TRPC4: variants seen among roughly 807,000 people sequenced by gnomAD.
TRPC4 encodes transient receptor potential cation channel subfamily C member 4.
In TRPC4, 49 loss-of-function variants were observed where a neutral mutation model predicts 99.4. That is an observed-to-expected ratio of 0.49 (90% CI 0.39 to 0.63). The LOEUF is 0.63. Ranked by LOEUF, TRPC4 falls within the 20% of genes least tolerant of loss-of-function variation. TRPC4 has a pLI of 0.00. For missense variants in TRPC4, 898 were observed against 1,152.9 expected, an observed-to-expected ratio of 0.78 and a Z score of 3.20; for synonymous variants, 454 against 425.9, an observed-to-expected ratio of 1.07 and a Z score of -0.81.
At chr13:37,705,036 G>A (rs953342034) in intron 3 of TRPC4, among the ~76,000 whole-genome samples, 2 of 152,006 alleles carry the variant, frequency 1.3e-5, no homozygotes, top group Non-Finnish European at 2.9e-5. Context: ...ATCAAGATAT[G>A]GAATCAACCT....
At chr13:37,804,708 A>T (rs914204616) in intron 1 of TRPC4, among the ~76,000 whole-genome samples, 19 of 152,108 alleles carry the variant, frequency 1.2e-4, no homozygotes, top group African/African-American at 4.6e-4. Context: ...ACAAATGCAT[A>T]CATAATTCTA....
chr13:37,781,931 T>A (rs75516467), intron 2 of TRPC4, among the ~76,000 whole-genome samples: 28 of 147,758 alleles, frequency 1.9e-4, no homozygotes, highest in African/African-American at 6.4e-4. Flanking sequence ...GTAAAAAAAA[T>A]GTCACACCTC....
Position 37,637,060 on chromosome 13 carries a change from C to G in TRPC4, c.2777G>C (p.Arg926Thr), listed in dbSNP as rs757099137. ...CTTCTCTGACTTGAATGGACACACT[C>G]TCTTTCCTACCTGTAACCCCAGTGT... ...TDTLGLQVGK[R>T]VCPFKSEKVV... The change falls in exon 11 of 11, where the codon AGA (arginine) becomes ACA (threonine). Residue 926 changes from arginine (R) to threonine (T), a missense_variant. By Grantham distance (71) the Arg-to-Thr change is moderately conservative. Coordinates refer to ENST00000379705, the MANE Select transcript of TRPC4 (RefSeq NM_016179.4). 22 of 1,613,708 alleles carry G rather than the reference C, an allele frequency of 1.4e-5. No homozygotes were observed. The highest frequency in any genetic ancestry group is 1.9e-5 in the Non-Finnish European group (22 of 1,179,822).
chr13:37,745,539 TA>T (rs34149530), intron 3 of TRPC4, among the ~76,000 whole-genome samples: 2 of 20,410 alleles, frequency 9.8e-5, no homozygotes, highest in African/African-American at 1.1e-3. Context: ...TATATATACG[TA>T]TATATATATA....
intron 8 of TRPC4, among the ~76,000 whole-genome samples, chr13:37,649,116 G>A (rs575789182): frequency 6.6e-6 from 1 of 151,986 alleles, no homozygotes; most frequent in South Asian, 2.1e-4. Flanking sequence ...AATTAAAAAT[G>A]CTTATAAATT....
chr13:37,855,931 G>A (rs944164660), intron 1 of TRPC4, among the ~76,000 whole-genome samples: 9 of 151,426 alleles, frequency 5.9e-5, no homozygotes, highest in East Asian at 1.9e-4. Flanking sequence ...TCAGAAAGAG[G>A]AAAAACTTCA....
chr13:37,845,051 G>C (rs1958853934), intron 1 of TRPC4, among the ~76,000 whole-genome samples: 1 of 152,168 alleles, frequency 6.6e-6, no homozygotes, highest in South Asian at 2.1e-4. Flanking sequence ...TAGCCTCACT[G>C]AACCATGGAG....
rs748459863 is a variant in TRPC4, at chr13:37,636,964, T to G, written c.2873A>C (p.Asp958Ala). The part of the protein sequence containing the change: ...KHAKEEDSSI[D>A]YDLNLPDTVT... Reference sequence around the variant, plus strand: ...TGTGTCTGGGAGGTTTAGATCATAGTCTATACTAGAGTCCTCTTCTTTTGC... The same window carrying G: ...TGTGTCTGGGAGGTTTAGATCATAGGCTATACTAGAGTCCTCTTCTTTTGC... The change falls in exon 11 of 11, where the codon GAC becomes GCC. Residue 958 changes from aspartate to alanine, a missense_variant. Coordinates refer to ENST00000379705, the MANE Select transcript of TRPC4 (RefSeq NM_016179.4). 1 of 1,613,512 alleles carries G rather than the reference T, an allele frequency of 6.2e-7. No individual in the cohort carries two copies. The highest frequency in any genetic ancestry group is 1.3e-5 in the African/African-American group (1 of 74,894).
chr13:37,822,424 C>A, intron 1 of TRPC4, among the ~76,000 whole-genome samples: 1 of 151,138 alleles, frequency 6.6e-6, no homozygotes, highest in Admixed American at 6.6e-5. Context: ...ATCCCTCCCC[C>A]CCCACCCCAC....
At chr13:37,681,122 C>A (rs1362914463) in intron 4 of TRPC4, among the ~76,000 whole-genome samples, 1 of 152,150 alleles carries the variant, frequency 6.6e-6, no homozygotes, top group African/African-American at 2.4e-5. Context: ...CATTTTATTT[C>A]GACTTCCTTC....
intron 1 of TRPC4, among the ~76,000 whole-genome samples, chr13:37,831,420 T>A (rs1372884547): frequency 2.6e-5 from 4 of 152,324 alleles, no homozygotes; most frequent in African/African-American, 9.6e-5. Flanking sequence ...AAGGAAATCC[T>A]CATACGCTGT....
intron 3 of TRPC4, among the ~76,000 whole-genome samples, chr13:37,719,267 G>A (rs934162529): frequency 6.6e-6 from 1 of 152,148 alleles, no homozygotes; most frequent in African/African-American, 2.4e-5. Context: ...AGAATCACCT[G>A]AGTCTGGGAG....
chr13:37,803,357 G>A (rs551810373), intron 1 of TRPC4, among the ~76,000 whole-genome samples: 2 of 152,180 alleles, frequency 1.3e-5, no homozygotes, highest in South Asian at 4.1e-4. Flanking sequence ...TAGGCAGACA[G>A]TGGCTGAGCT....
At chr13:37,663,275 G>T in intron 6 of TRPC4, 141 bp downstream of exon 6, 1 of 676,994 alleles carries the variant, frequency 1.5e-6, no homozygotes, top group Non-Finnish European at 2.3e-6. Context: ...TCAAAGCCAT[G>T]TTAATTCTGT....
chr13:37,691,159 T>C (rs1311079857), intron 4 of TRPC4, among the ~76,000 whole-genome samples: 1 of 152,130 alleles, frequency 6.6e-6, no homozygotes, highest in Non-Finnish European at 1.5e-5. Context: ...TGGACTACAG[T>C]GGCGTGATCT....
chr13:37,776,062 T>G (rs561619339), intron 2 of TRPC4, among the ~76,000 whole-genome samples: 1 of 151,840 alleles, frequency 6.6e-6, no homozygotes, highest in Non-Finnish European at 1.5e-5. Context: ...TGCAGCATGA[T>G]CCATCTTTTA....
intron 4 of TRPC4, among the ~76,000 whole-genome samples, chr13:37,687,994 T>A (rs1953546563): frequency 6.6e-6 from 1 of 152,222 alleles, no homozygotes; most frequent in African/African-American, 2.4e-5. Context: ...TCTGCATTAG[T>A]TAGAACTGTA....
chr13:37,685,952 C>T (rs527687202), intron 4 of TRPC4, among the ~76,000 whole-genome samples: 7 of 152,080 alleles, frequency 4.6e-5, no homozygotes, highest in African/African-American at 1.7e-4. Flanking sequence ...AAATGAGGGT[C>T]ATATGTCGCA....
At chr13:37,724,979 A>G (rs1181737125) in intron 3 of TRPC4, among the ~76,000 whole-genome samples, 1 of 152,206 alleles carries the variant, frequency 6.6e-6, no homozygotes, top group Non-Finnish European at 1.5e-5. Context: ...ACTTTAAAAC[A>G]TCTGTCTTGA....
Sources: allele counts gnomAD v4.1 joint callset (sites outside exome capture counted in the v4.1 genomes callset), GRCh38; gene constraint gnomAD v4.1.1; transcripts MANE v1.5; gene names NCBI Gene and HGNC (gene_info 2026-07-23, HGNC 2026-07-21).